PBK: variants seen among roughly 807,000 people sequenced by gnomAD.
The protein encoded by PBK is lymphokine-activated killer T-cell-originated protein kinase.
In PBK, 22 loss-of-function variants were observed where a neutral mutation model predicts 33.5. The observed-to-expected ratio is 0.66, with a 90% CI of 0.47 to 0.94. The LOEUF (loss-of-function observed/expected upper bound fraction) is 0.94, where lower values mean the gene tolerates loss of function less well. Among genes scored for constraint, PBK ranks in the 40% least tolerant of loss-of-function variants. The pLI is 0.00. For missense variants in PBK, 376 were observed against 383.4 expected (o/e 0.98, Z 0.16); for synonymous variants, 129 against 123.8 (o/e 1.04, Z -0.28).
At chr8:27,815,273 G>C (rs997459090) in intron 6 of PBK, among the ~76,000 whole-genome samples, 1 of 152,196 alleles carries the variant, frequency 6.6e-6, no homozygotes, top group Non-Finnish European at 1.5e-5. Context: ...CATTTATTCC[G>C]TTAACATTTT....
chr8:27,821,846 C>T (rs1225868348), intron 5 of PBK, among the ~76,000 whole-genome samples: 1 of 152,204 alleles, frequency 6.6e-6, no homozygotes, highest in Non-Finnish European at 1.5e-5. Flanking sequence ...TGATGGACAA[C>T]ATATACGACG....
intron 1 of PBK, 22 bp from the exon 2 acceptor site, chr8:27,833,155 A>G (rs766011238): frequency 1.6e-6 from 2 of 1,258,546 alleles, no homozygotes; most frequent in East Asian, 2.3e-5. Flanking sequence ...ACAAATTGCA[A>G]GTTACACAGC....
chr8:27,813,517 A>C (rs1563488031), intron 6 of PBK, among the ~76,000 whole-genome samples: 1 of 152,140 alleles, frequency 6.6e-6, no homozygotes, highest in Non-Finnish European at 1.5e-5. Context: ...ATAATTAACA[A>C]ATTATATATG....
intron 6 of PBK, among the ~76,000 whole-genome samples, chr8:27,813,968 T>C (rs537888022): frequency 6.6e-6 from 1 of 152,346 alleles, no homozygotes; most frequent in Admixed American, 6.5e-5. Context: ...TATGTGTTAA[T>C]GTGATATTTT....
At chr8:27,821,984 A>T (rs1375773153) in intron 5 of PBK, among the ~76,000 whole-genome samples, 1 of 152,208 alleles carries the variant, frequency 6.6e-6, no homozygotes, top group Non-Finnish European at 1.5e-5. Flanking sequence ...CATTCTATAC[A>T]GGTTTGTGGC....
intron 7 of PBK, 112 bp downstream of exon 7, chr8:27,810,846 G>GGT (rs1246017725): frequency 1.5e-5 from 11 of 726,210 alleles, no homozygotes; most frequent in Non-Finnish European, 1.8e-5. Context: ...ATTAAACCTT[G>GGT]GTGGTACCAA....
At chr8:27,816,067 A>G (rs1478454095) in intron 6 of PBK, among the ~76,000 whole-genome samples, 1 of 152,132 alleles carries the variant, frequency 6.6e-6, no homozygotes, top group East Asian at 1.9e-4. Context: ...TTATCCTTCA[A>G]TTCTCAGCTT....
At chr8:27,829,596 G>A (rs117807437) in intron 2 of PBK, among the ~76,000 whole-genome samples, 292 of 152,326 alleles carry the variant, frequency 1.9e-3, no homozygotes, top group Non-Finnish European at 3.2e-3. Context: ...GGCCTAGCGC[G>A]GTGGCTCACG....
At position 27,828,319 on chromosome 8, in the gene PBK, C is replaced by G. The variant is rs1335120558; in HGVS notation, c.59-121G>C. ...ACAGTCTTTTTGGAGAGCAATTTGA[C>G]AACATATATCCTAATTTTAAATGGG... On this transcript the variant is annotated intron_variant, in intron 2 of 7. Transcript: ENST00000301905. The G allele has an allele frequency of 8.3e-6, 4 of 483,374 alleles. No homozygotes were observed. In the East Asian group the frequency reaches 1.3e-4, roughly 15 times the overall value. The allele number at this position is 483,374 out of a possible 1,614,324, so 29.9% of individuals were successfully genotyped here. A position where few individuals can be genotyped will look rare whatever the true frequency, so the allele number is the denominator to read the frequency against.
intron 5 of PBK, among the ~76,000 whole-genome samples, chr8:27,821,772 G>A (rs1805933578): frequency 6.6e-6 from 1 of 152,172 alleles, no homozygotes; most frequent in Non-Finnish European, 1.5e-5. Context: ...TACATAAATT[G>A]TTGAGACCAT....
intron 2 of PBK, among the ~76,000 whole-genome samples, chr8:27,830,484 A>C (rs747818411): frequency 3.3e-5 from 5 of 152,214 alleles, no homozygotes; most frequent in Non-Finnish European, 7.3e-5. Flanking sequence ...GCTATGGGAC[A>C]ATAGCAAAAC....
At chr8:27,824,720 G>C (rs907957752) in intron 3 of PBK, among the ~76,000 whole-genome samples, 2 of 151,998 alleles carry the variant, frequency 1.3e-5, no homozygotes, top group Admixed American at 1.3e-4. Flanking sequence ...GAACAGAAAA[G>C]GTACTATGAG....
At chr8:27,824,577 GATGA>G (rs1805992155) in intron 3 of PBK, among the ~76,000 whole-genome samples, 1 of 152,130 alleles carries the variant, frequency 6.6e-6, no homozygotes, top group Non-Finnish European at 1.5e-5. Flanking sequence ...TAAGAAAACT[GATGA>G]ATGAAGAAAT....
rs555494869 is a variant in PBK, at chr8:27,823,135, G to A, written c.223C>T (p.Arg75Ter). ...ATTAGTCTCTTTTGATACACACTTC[G>A]ATAATGATCATTACATATAGGATTA... ...KINPICNDHY[R>*]SVYQKRLMDE... The change falls in exon 4 of 8, where the codon CGA becomes TGA. Residue 75 changes from arginine (R) to a stop codon, truncating the protein, a stop_gained. Transcript: ENST00000301905. LOFTEE classifies it high-confidence loss of function. The A allele has an allele frequency of 6.0e-5, 94 of 1,560,940 alleles. No homozygotes were observed. The highest frequency in any genetic ancestry group is 3.4e-4 in the Admixed American group (20 of 59,658).
rs780404879 is a variant in PBK at position 27,810,432 on chromosome 8, A to C, written c.842T>G (p.Ile281Ser). ...TGATTCATCCAGTTCTTCCATATTA[A>C]TAGGTGGCCTAGTTCCCAACGCTGC... ...YYAALGTRPP[I>S]NMEELDESYQ... Residue 281 changes from isoleucine (I) to serine (S), a missense_variant, in exon 8 of 8, where the codon ATT becomes AGT. Coordinates refer to ENST00000301905, the MANE Select transcript of PBK (RefSeq NM_018492.4). 4.4e-6 allele frequency: 7 copies of C among 1,608,182 alleles called. No individual in the cohort carries two copies. In the African/African-American group the frequency reaches 9.4e-5, roughly 22 times the overall value.
intron 6 of PBK, among the ~76,000 whole-genome samples, chr8:27,812,836 AT>A (rs1486210653): frequency 6.6e-6 from 1 of 152,176 alleles, no homozygotes; most frequent in African/African-American, 2.4e-5. Flanking sequence ...GCTGGAGAGG[AT>A]GTGGAGAAAT....
At chr8:27,816,744 A>AT (rs922611632) in intron 6 of PBK, among the ~76,000 whole-genome samples, 4 of 151,728 alleles carry the variant, frequency 2.6e-5, no homozygotes, top group East Asian at 1.9e-4. Flanking sequence ...AGATTTGGGT[A>AT]TTTTTTTTCA....
intron 6 of PBK, among the ~76,000 whole-genome samples, chr8:27,820,148 C>A (rs73233117): frequency 0.058 from 8,792 of 152,210 alleles, 346 homozygotes; most frequent in Non-Finnish European, 0.087. Flanking sequence ...AGCCAAAGAC[C>A]AGCCTTCATT....
rs77199051 is a variant in PBK at position 27,827,118 on chromosome 8, T to C, written c.152+987A>G. Among the ~76,000 whole-genome samples, 1,069 of 152,310 alleles carry C rather than the reference T, an allele frequency of 7.0e-3. 7 individuals are homozygous for C. Among genetic ancestry groups the C allele is most frequent in the African/African-American group, 0.024 (1,009 of 41,556 alleles). On this transcript the variant is annotated intron_variant, in intron 3 of 7. Transcript: ENST00000301905. Reference sequence around the variant, plus strand: ...AGAAAGCATTTCTATCTGGAAACAATGTAAACCTAGATGAAGCTAAGATAC... The same window carrying C: ...AGAAAGCATTTCTATCTGGAAACAACGTAAACCTAGATGAAGCTAAGATAC...
Sources: allele counts gnomAD v4.1 joint callset (sites outside exome capture counted in the v4.1 genomes callset), GRCh38; gene constraint gnomAD v4.1.1; transcripts MANE v1.5; gene names NCBI Gene and HGNC (gene_info 2026-07-23, HGNC 2026-07-21).